ANXA10: variants seen among roughly 807,000 people sequenced by gnomAD.
ANXA10 encodes annexin 14.
ANXA10 carries 49 observed loss-of-function variants against 53.5 expected under a neutral mutation model. The observed-to-expected ratio is 0.92, with a 90% CI of 0.73 to 1.16. The LOEUF (loss-of-function observed/expected upper bound fraction) is 1.16. Among genes scored for constraint, ANXA10 ranks in the 50% most tolerant of loss-of-function variants. The pLI is 0.00. For missense variants in ANXA10, 393 were observed against 394.4 expected, an observed-to-expected ratio of 1.00 and a Z score of 0.03; for synonymous variants, 131 against 128.9, an observed-to-expected ratio of 1.02 and a Z score of -0.11.
At chr4:168,129,748 AG>A (rs1731129060) in intron 2 of ANXA10, among the ~76,000 whole-genome samples, 2 of 152,216 alleles carry the variant, frequency 1.3e-5, no homozygotes, top group Non-Finnish European at 2.9e-5. Flanking sequence ...TAGCTCTGAT[AG>A]AAATTGCTTT....
At chr4:168,121,506 A>C (rs1560963671) in intron 1 of ANXA10, among the ~76,000 whole-genome samples, 1 of 152,156 alleles carries the variant, frequency 6.6e-6, no homozygotes, top group African/African-American at 2.4e-5. Context: ...CTACAATTTT[A>C]ATCAAAATGC....
chr4:168,121,613 CTTAGAGCTAAAAATT>C (rs993372218), intron 1 of ANXA10, among the ~76,000 whole-genome samples: 2 of 151,964 alleles, frequency 1.3e-5, no homozygotes, highest in African/African-American at 4.8e-5. Context: ...TAATTAAATG[CTTAGAGCTAAAAATT>C]GAGAACATTT....
At chr4:168,136,773 C>T (rs1451220253) in intron 2 of ANXA10, among the ~76,000 whole-genome samples, 1 of 152,202 alleles carries the variant, frequency 6.6e-6, no homozygotes, top group African/African-American at 2.4e-5. Context: ...TGGCCCCCTT[C>T]TCAAAGCTCC....
At chr4:168,159,846 A>C (rs1731750501) in intron 3 of ANXA10, among the ~76,000 whole-genome samples, 1 of 152,202 alleles carries the variant, frequency 6.6e-6, no homozygotes, top group African/African-American at 2.4e-5. Context: ...CCAAATAATA[A>C]AATGAAAATT....
intron 3 of ANXA10, among the ~76,000 whole-genome samples, chr4:168,154,282 TTC>T (rs997854648): frequency 7.2e-5 from 11 of 152,184 alleles, no homozygotes; most frequent in African/African-American, 2.7e-4. Context: ...TCATCCATTA[TTC>T]TTTCATTTGC....
intron 1 of ANXA10, 67 bp from the exon 2 acceptor site, chr4:168,128,017 C>T: frequency 7.0e-7 from 1 of 1,427,054 alleles, no homozygotes; most frequent in South Asian, 1.2e-5. Flanking sequence ...AGCCACTGTG[C>T]CCGGCCACAA....
intron 3 of ANXA10, among the ~76,000 whole-genome samples, chr4:168,161,192 G>A (rs1340858700): frequency 6.6e-6 from 1 of 152,012 alleles, no homozygotes; most frequent in East Asian, 1.9e-4. Flanking sequence ...TATAGTTTTG[G>A]GTTTTACATT....
chr4:168,111,600 T>C (rs1022327648), intron 1 of ANXA10, among the ~76,000 whole-genome samples: 3 of 152,130 alleles, frequency 2.0e-5, no homozygotes, highest in African/African-American at 7.2e-5. Flanking sequence ...AATACTGTCA[T>C]TTTTTCATAT....
At chr4:168,155,712 ATAT>A (rs371577855) in intron 3 of ANXA10, among the ~76,000 whole-genome samples, 5,785 of 19,734 alleles carry the variant, frequency 0.29, 999 homozygotes, top group African/African-American at 0.38. Flanking sequence ...TAAATATATA[ATAT>A]TATATAATAT....
At chr4:168,145,988 T>C (rs1356383022) in intron 3 of ANXA10, among the ~76,000 whole-genome samples, 1 of 151,818 alleles carries the variant, frequency 6.6e-6, no homozygotes, top group Non-Finnish European at 1.5e-5. Context: ...AGTGGCATGA[T>C]CTTGGCTTAC....
Position 168,177,933 on chromosome 4 carries a change from C to A in ANXA10, c.578C>A (p.Thr193Asn). ...ACQQKTGEHK[T>N]MLQMILCNKS... ...CAGCAGAAGACGGGGGAGCACAAAACCATGCTGCAAATGATCCTGTGCAAC... is the reference window on the plus strand; with the variant it reads ...CAGCAGAAGACGGGGGAGCACAAAAACATGCTGCAAATGATCCTGTGCAAC... Residue 193 changes from threonine to asparagine, a missense_variant, in exon 8 of 12, where the codon ACC (threonine) becomes AAC (asparagine). Physicochemically the swap from Thr to Asn is moderately conservative, Grantham distance 65. Transcript: ENST00000359299. 6.2e-7 allele frequency: 1 copy of A among 1,613,666 alleles called. No homozygotes were observed. Among genetic ancestry groups the A allele is most frequent in the African/African-American group, 1.3e-5 (1 of 75,024 alleles).
intron 6 of ANXA10, among the ~76,000 whole-genome samples, chr4:168,173,587 C>A (rs1351404732): frequency 1.3e-5 from 2 of 152,212 alleles, no homozygotes; most frequent in Admixed American, 1.3e-4. Context: ...CATAGGAGAG[C>A]ATTGGCAGTG....
intron 3 of ANXA10, among the ~76,000 whole-genome samples, chr4:168,149,596 T>C (rs1241679682): frequency 6.6e-6 from 1 of 152,170 alleles, no homozygotes; most frequent in East Asian, 1.9e-4. Context: ...GGAGAATCTT[T>C]TTCTGTTCTG....
chr4:168,130,971 CTT>C (rs1731148110), intron 2 of ANXA10, among the ~76,000 whole-genome samples: 1 of 151,706 alleles, frequency 6.6e-6, no homozygotes, highest in Non-Finnish European at 1.5e-5. Context: ...GATGTTTTCT[CTT>C]GATTTTCCAA....
intron 4 of ANXA10, among the ~76,000 whole-genome samples, chr4:168,163,431 C>T (rs1461723716): frequency 1.3e-5 from 2 of 152,026 alleles, no homozygotes; most frequent in African/African-American, 2.4e-5. Context: ...GGATTTTGGC[C>T]ATCACATTTA....
At chr4:168,122,240 A>G (rs1452399575) in intron 1 of ANXA10, among the ~76,000 whole-genome samples, 1 of 152,190 alleles carries the variant, frequency 6.6e-6, no homozygotes. Context: ...GTGGTGTCTT[A>G]ATATTGTTTC....
At chr4:168,122,782 C>A (rs1243592402) in intron 1 of ANXA10, among the ~76,000 whole-genome samples, 3 of 152,166 alleles carry the variant, frequency 2.0e-5, no homozygotes, top group Non-Finnish European at 2.9e-5. Context: ...GTGAGGACAG[C>A]ATCAAGCCAT....
At chr4:168,136,554 C>T (rs1036983910) in intron 2 of ANXA10, among the ~76,000 whole-genome samples, 2 of 152,144 alleles carry the variant, frequency 1.3e-5, no homozygotes, top group East Asian at 3.9e-4. Context: ...TTAAAGTTCC[C>T]AAATAATATC....
intron 2 of ANXA10, among the ~76,000 whole-genome samples, chr4:168,132,733 T>G (rs991219474): frequency 3.3e-5 from 5 of 152,118 alleles, no homozygotes; most frequent in Admixed American, 2.0e-4. Context: ...ACATCTTGTG[T>G]ACCCCATAAA....
Sources: allele counts gnomAD v4.1 joint callset (sites outside exome capture counted in the v4.1 genomes callset), GRCh38; gene constraint gnomAD v4.1.1; transcripts MANE v1.5; gene names NCBI Gene and HGNC (gene_info 2026-07-23, HGNC 2026-07-21).